Variants in PRH1 observed in about 807,000 individuals in gnomAD.
PRH1 encodes salivary acidic proline-rich phosphoprotein 1/2.
Under a neutral mutation model 7.9 loss-of-function variants are expected in PRH1, and 7 were observed. That is an observed-to-expected ratio of 0.89 (90% confidence interval 0.50 to 1.67). The LOEUF is 1.67. Among genes scored for constraint, PRH1 ranks in the 40% most tolerant of loss-of-function variants. The pLI is 0.00. For synonymous variants in PRH1, 45 were observed against 80.8 expected, an observed-to-expected ratio of 0.56 and a Z score of 2.38; for missense variants, 109 against 223.6, an observed-to-expected ratio of 0.49 and a Z score of 3.27.
chr12:10,997,695 C>A (rs1353018871), intron 1 of PRH1: 1 of 1,613,812 alleles, frequency 6.2e-7, no homozygotes, highest in East Asian at 2.2e-5. Context: ...AATAATATTA[C>A]CCAGAGCAAA....
chr12:11,074,819 A>G (rs1296791257), intron 1 of PRH1, among the ~76,000 whole-genome samples: 1 of 117,350 alleles, frequency 8.5e-6, no homozygotes, highest in East Asian at 2.1e-4. Flanking sequence ...AAAGACAGCT[A>G]GGATACATTC....
At chr12:11,039,083 A>G (rs1942583572) in intron 1 of PRH1, among the ~76,000 whole-genome samples, 1 of 152,244 alleles carries the variant, frequency 6.6e-6, no homozygotes, top group Non-Finnish European at 1.5e-5. Flanking sequence ...TCAAAGAAAA[A>G]AATATTGAAA....
In PRH1 at chr12:11,079,849, T is replaced by C. The variant is rs190573914; in HGVS notation, n.124-32661A>G. Among the ~76,000 whole-genome samples, 66 of 116,856 alleles carry C rather than the reference T, an allele frequency of 5.6e-4. 13 individuals carry two copies. In the East Asian group the frequency reaches 0.01, roughly 18 times the overall value. The allele number at this position is 116,856 out of a possible 152,430, so 76.7% of individuals were successfully genotyped here. ...AGAGTTATACATAAATGTATAAAAA[T>C]AGTGAATTTTTCCCTTCGGTATATA... is the stretch of plus-strand genomic sequence containing the variant. On this transcript the variant is annotated intron_variant and non_coding_transcript_variant, in intron 1 of 4. Coordinates refer to the PRH1 transcript ENST00000541977.
chr12:10,952,909 A>G (rs1223804952), intron 2 of PRH1, among the ~76,000 whole-genome samples: 3 of 152,148 alleles, frequency 2.0e-5, no homozygotes, highest in Non-Finnish European at 4.4e-5. Flanking sequence ...ACCATCCTTC[A>G]GAGTGTTGTG....
At chr12:10,899,555 T>C (rs1461899705) in intron 2 of PRH1, among the ~76,000 whole-genome samples, 1 of 152,158 alleles carries the variant, frequency 6.6e-6, no homozygotes, top group Non-Finnish European at 1.5e-5. Flanking sequence ...GAGAGTGAAT[T>C]GTTATAAAGC....
At chr12:11,023,068 A>G (rs1327673534) in intron 1 of PRH1, among the ~76,000 whole-genome samples, 3 of 152,340 alleles carry the variant, frequency 2.0e-5, no homozygotes, top group Non-Finnish European at 2.9e-5. Context: ...GATCATACCA[A>G]TATGGACTTA....
intron 2 of PRH1, among the ~76,000 whole-genome samples, chr12:10,899,788 A>G (rs1949699126): frequency 6.6e-6 from 1 of 152,192 alleles, no homozygotes; most frequent in African/African-American, 2.4e-5. Flanking sequence ...CAGACCAAGA[A>G]ATTGAGGAAT....
intron 1 of PRH1, among the ~76,000 whole-genome samples, chr12:11,070,657 G>A (rs7975226): frequency 0.032 from 4,795 of 152,174 alleles, 251 homozygotes; most frequent in African/African-American, 0.11. Flanking sequence ...CTTCCTCTGG[G>A]GAGGCAAGAC....
intron 1 of PRH1, among the ~76,000 whole-genome samples, chr12:11,072,348 G>C (rs1237546662): frequency 6.6e-6 from 1 of 152,014 alleles, no homozygotes; most frequent in African/African-American, 2.4e-5. Flanking sequence ...ACATCCCAAG[G>C]TGGATCTAAT....
intron 2 of PRH1, among the ~76,000 whole-genome samples, chr12:10,957,743 A>G (rs1423676158): frequency 6.6e-6 from 1 of 152,158 alleles, no homozygotes; most frequent in African/African-American, 2.4e-5. Context: ...CACCATTAAA[A>G]ATTTGATAAA....
intron 1 of PRH1, among the ~76,000 whole-genome samples, chr12:11,011,250 G>C (rs7311652): frequency 6.6e-6 from 1 of 151,984 alleles, no homozygotes; most frequent in Non-Finnish European, 1.5e-5. Context: ...AATTCTATGT[G>C]CACCTGATTT....
intron 2 of PRH1, among the ~76,000 whole-genome samples, chr12:10,900,935 G>A (rs1949714351): frequency 6.6e-6 from 1 of 152,088 alleles, no homozygotes; most frequent in African/African-American, 2.4e-5. Context: ...GGTGCAATGG[G>A]GCCCTCTCTG....
At chr12:11,073,582 C>G (rs1216065743) in intron 1 of PRH1, among the ~76,000 whole-genome samples, 1 of 151,690 alleles carries the variant, frequency 6.6e-6, no homozygotes, top group African/African-American at 2.4e-5. Context: ...TAATAAAGTC[C>G]TTTTTAAATC....
chr12:10,931,282 A>G, intron 2 of PRH1: 1 of 1,118,742 alleles, frequency 8.9e-7, no homozygotes, highest in Admixed American at 2.9e-5. Flanking sequence ...AATTTTGAGA[A>G]TCACTATCTT....
chr12:11,059,196 GT>G (rs1178484166), intron 1 of PRH1, among the ~76,000 whole-genome samples: 1 of 152,178 alleles, frequency 6.6e-6, no homozygotes, highest in Non-Finnish European at 1.5e-5. Flanking sequence ...AATGCCGGCT[GT>G]GGTTTCCCCT....
chr12:11,034,913 T>A (rs1295222150), intron 1 of PRH1: 1 of 152,338 alleles, frequency 6.6e-6, no homozygotes, highest in Non-Finnish European at 1.5e-5. Context: ...AATAATAATA[T>A]TAATAATAAT....
intron 1 of PRH1, among the ~76,000 whole-genome samples, chr12:11,056,197 G>A (rs201779893): frequency 0.059 from 4,411 of 74,178 alleles, no homozygotes; most frequent in Non-Finnish European, 0.088. Context: ...AATATTAGTT[G>A]TTTAATTAAA....
rs537528277 is a variant in PRH1 at position 11,007,879 on chromosome 12, C to T, written c.-125-34158G>A. On this transcript the variant is annotated intron_variant, in intron 1 of 3. Coordinates refer to the PRH1 transcript ENST00000539853. ...ATCTCAAATTACCAGAGTGATCCAC[C>T]CAAACCCAGCTTAGGAAAATGGAAT... Among the ~76,000 whole-genome samples the T allele has an allele frequency of 8.8e-4, 134 of 152,142 alleles. 1 individual carries two copies. The highest frequency in any genetic ancestry group is 8.8e-3 in the Admixed American group (134 of 15,240).
chr12:11,069,057 G>A (rs775543035), intron 1 of PRH1, among the ~76,000 whole-genome samples: 55,230 of 107,104 alleles, frequency 0.52, 12,143 homozygotes, highest in Non-Finnish European at 0.6. Context: ...AGCTAGGACT[G>A]CAGGTGGACA....
Sources: gnomAD v4.1 joint callset for allele counts (sites outside exome capture counted in the v4.1 genomes callset) on GRCh38, gnomAD v4.1.1 for gene constraint, MANE v1.5 for transcripts, NCBI Gene and HGNC (gene_info 2026-07-23, HGNC 2026-07-21) for gene names.